GSE1: variants seen among roughly 807,000 people sequenced by gnomAD.
GSE1 encodes the protein Gse1 coiled-coil protein, also known as genetic suppressor element 1.
GSE1 carries 32 observed loss-of-function variants against 112.6 expected under a neutral mutation model. The observed-to-expected ratio is 0.28, with a 90% CI of 0.21 to 0.38. GSE1 has a LOEUF of 0.38. Ranked by LOEUF, GSE1 falls within the 10% of genes least tolerant of loss-of-function variation. The pLI is 1.00. For missense variants in GSE1, 2,348 were observed against 1,699.2 expected (o/e 1.38, Z -6.71); for synonymous variants, 1,115 against 735.6 (o/e 1.52, Z -8.35).
In GSE1 at chr16:85,655,183, T is replaced by C. The variant is rs1226943576; in HGVS notation, c.797+192T>C. ...TGGCCCATTAGGGGTCCCCTCCTGG[T>C]AGACAGTCCCCCTTGGTGACTGTAC... On this transcript the variant is annotated intron_variant, in intron 5 of 15. Transcript: ENST00000253458. 2.0e-5 allele frequency among the ~76,000 whole-genome samples: 3 copies of C among 152,308 alleles called. No homozygotes were observed. In the East Asian group the frequency reaches 5.8e-4, roughly 29 times the overall value.
chr16:85,304,821 C>T (rs191497133), intron 1 of GSE1, among the ~76,000 whole-genome samples: 2 of 152,318 alleles, frequency 1.3e-5, no homozygotes, highest in African/African-American at 4.8e-5. Flanking sequence ...TCAATGTCCC[C>T]CTCTTTCAAC....
intron 1 of GSE1, among the ~76,000 whole-genome samples, chr16:85,629,549 T>C (rs1402589777): frequency 1.3e-5 from 2 of 152,204 alleles, no homozygotes; most frequent in Non-Finnish European, 2.9e-5. Flanking sequence ...GCTTGTCACA[T>C]GGGCACTGTG....
intron 1 of GSE1, among the ~76,000 whole-genome samples, chr16:85,265,820 A>G (rs1908179137): frequency 6.6e-6 from 1 of 151,888 alleles, no homozygotes; most frequent in South Asian, 2.1e-4. Flanking sequence ...AGATGATTGA[A>G]TTTTCCTGAT....
At chr16:85,427,842 AAATAAAT>A (rs1357523900) in intron 2 of GSE1, among the ~76,000 whole-genome samples, 1 of 152,252 alleles carries the variant, frequency 6.6e-6, no homozygotes, top group Admixed American at 6.5e-5. Flanking sequence ...AAAAATAAAT[AAATAAAT>A]AATATGTTTT....
chr16:85,328,770 G>T (rs963181573), intron 1 of GSE1, among the ~76,000 whole-genome samples: 1 of 152,192 alleles, frequency 6.6e-6, no homozygotes, highest in Non-Finnish European at 1.5e-5. Flanking sequence ...CCTCTGCAGT[G>T]ATTGACAAGG....
chr16:85,180,568 C>G (rs905227597), intron 1 of GSE1, among the ~76,000 whole-genome samples: 1 of 152,242 alleles, frequency 6.6e-6, no homozygotes, highest in African/African-American at 2.4e-5. Context: ...CCTGCATTGC[C>G]CCACGTGACT....
chr16:85,569,894 C>G (rs1022854259), intron 1 of GSE1, among the ~76,000 whole-genome samples: 4 of 152,180 alleles, frequency 2.6e-5, no homozygotes, highest in African/African-American at 9.7e-5. Context: ...TGGAGACCGC[C>G]CACCTCTGTG....
chr16:85,331,578 C>G (rs201261553), intron 1 of GSE1, among the ~76,000 whole-genome samples: 1 of 10,984 alleles, frequency 9.1e-5, no homozygotes, highest in Non-Finnish European at 1.5e-4. Flanking sequence ...TATATGTGTA[C>G]ATGTGTATAT....
intron 12 of GSE1, 54 bp from the exon 13 acceptor site, chr16:85,665,922 C>T (rs753553911): frequency 2.5e-6 from 4 of 1,577,240 alleles, no homozygotes; most frequent in Non-Finnish European, 3.5e-6. Flanking sequence ...GTGCTGGACA[C>T]TCAGCCTGTT....
At chr16:85,432,732 T>G (rs1268986455) in intron 2 of GSE1, among the ~76,000 whole-genome samples, 1 of 152,156 alleles carries the variant, frequency 6.6e-6, no homozygotes, top group African/African-American at 2.4e-5. Context: ...CTGCAATGCT[T>G]CCAACAGTCC....
At chr16:85,297,868 C>G (rs1185064872) in intron 1 of GSE1, among the ~76,000 whole-genome samples, 2 of 152,114 alleles carry the variant, frequency 1.3e-5, no homozygotes, top group Non-Finnish European at 2.9e-5. Context: ...TATGAAATCT[C>G]CATCGTGGCC....
chr16:85,271,842 T>A (rs1322149703), intron 1 of GSE1, among the ~76,000 whole-genome samples: 1 of 152,140 alleles, frequency 6.6e-6, no homozygotes, highest in African/African-American at 2.4e-5. Flanking sequence ...GGTGAAGCAA[T>A]GGGTCACATT....
chr16:85,495,806 G>A (rs2051157317), intron 2 of GSE1, among the ~76,000 whole-genome samples: 1 of 152,110 alleles, frequency 6.6e-6, no homozygotes, highest in African/African-American at 2.4e-5. Context: ...CCATGCTGGG[G>A]ACATTTTAAA....
intron 2 of GSE1, among the ~76,000 whole-genome samples, chr16:85,520,312 T>C (rs2052137845): frequency 6.6e-6 from 1 of 152,100 alleles, no homozygotes; most frequent in African/African-American, 2.4e-5. Context: ...ACCATCACTT[T>C]GGGGGTGAGG....
chr16:85,250,657 A>G (rs1445195138), intron 1 of GSE1, among the ~76,000 whole-genome samples: 3 of 152,202 alleles, frequency 2.0e-5, no homozygotes, highest in Admixed American at 6.5e-5. Context: ...TTTTTTTATA[A>G]CAGCCGTATT....
chr16:85,310,480 C>G (rs553045238), intron 1 of GSE1, among the ~76,000 whole-genome samples: 9 of 151,678 alleles, frequency 5.9e-5, no homozygotes, highest in African/African-American at 2.2e-4. Flanking sequence ...TCCCTCCCCT[C>G]CCCTGCCGTG....
chr16:85,201,009 G>A (rs1220964551), intron 1 of GSE1, among the ~76,000 whole-genome samples: 1 of 152,146 alleles, frequency 6.6e-6, no homozygotes, highest in Non-Finnish European at 1.5e-5. Flanking sequence ...ACAGAACGAA[G>A]CAGTATTGGT....
intron 8 of GSE1, among the ~76,000 whole-genome samples, chr16:85,658,680 C>T (rs1337330894): frequency 6.6e-6 from 1 of 152,228 alleles, no homozygotes; most frequent in Admixed American, 6.5e-5. Context: ...CCTTCTGCCT[C>T]TCCCAGCCCC....
chr16:85,654,680 G>C, intron 4 of GSE1, 114 bp from the exon 5 acceptor site: 1 of 766,058 alleles, frequency 1.3e-6, no homozygotes, highest in Non-Finnish European at 2.2e-6. Context: ...GGGGTGCCAG[G>C]AGTCTGGGTG....
Sources: allele counts gnomAD v4.1 joint callset (sites outside exome capture counted in the v4.1 genomes callset), GRCh38; gene constraint gnomAD v4.1.1; transcripts MANE v1.5; gene names NCBI Gene and HGNC (gene_info 2026-07-23, HGNC 2026-07-21).